TCERG1: variants seen among roughly 807,000 people sequenced by gnomAD.
TCERG1 encodes TATA box binding protein (TBP)-associated factor, RNA polymerase II, S, 150kD.
A neutral mutation model predicts 144.7 loss-of-function variants in TCERG1; 37 were observed. That is an observed-to-expected ratio of 0.26 (90% confidence interval 0.20 to 0.34). The LOEUF (loss-of-function observed/expected upper bound fraction) is 0.34, where lower values mean the gene tolerates loss of function less well. Among genes scored for constraint, TCERG1 ranks in the 10% least tolerant of loss-of-function variants. The pLI is 1.00. For missense variants in TCERG1, 1,027 were observed against 1,380.7 expected, an observed-to-expected ratio of 0.74 and a Z score of 4.06; for synonymous variants, 492 against 458.2, an observed-to-expected ratio of 1.07 and a Z score of -0.94.
intron 1 of TCERG1, among the ~76,000 whole-genome samples, chr5:146,448,026 C>G (rs555527151): frequency 2.0e-5 from 3 of 152,228 alleles, no homozygotes; most frequent in Non-Finnish European, 2.9e-5. Context: ...TAGGCACTTA[C>G]CGTGTGCCAG....
chr5:146,509,923 GT>G, intron 22 of TCERG1: 3 of 496,978 alleles, frequency 6.0e-6, no homozygotes, highest in Admixed American at 3.8e-5. Flanking sequence ...TAAAGGGTAT[GT>G]GCACGGGAGG....
Position 146,455,092 on chromosome 5 carries a change from G to T in TCERG1, c.96G>T (p.Pro32=), listed in dbSNP as rs373601191. Residue 32 remains proline (P), a synonymous_variant, in exon 2 of 23, where the codon CCG becomes CCT. Coordinates refer to ENST00000679501, the MANE Select transcript of TCERG1 (RefSeq NM_001382548.1). The part of the protein sequence containing the change: ...AQQQALRFRG[P]APPPNAVMRG... ...AGCAGGCCTTGAGGTTCCGAGGTCC[G>T]GCTCCCCCACCAAATGCAGTGATGC... 6.2e-7 allele frequency: 1 copy of T among 1,614,198 alleles called. No homozygotes were observed. The highest frequency in any genetic ancestry group is 1.1e-5 in the South Asian group (1 of 91,078).
At chr5:146,485,431 CT>C (rs1195111178) in intron 15 of TCERG1, among the ~76,000 whole-genome samples, 5 of 152,130 alleles carry the variant, frequency 3.3e-5, no homozygotes, top group Non-Finnish European at 7.3e-5. Context: ...TTTGTAGTGC[CT>C]GGAACATTGC....
In TCERG1 at chr5:146,511,923, T is replaced by A. The variant is rs1167737768; in HGVS notation, c.*1281T>A. On this transcript the variant is annotated 3_prime_UTR_variant, in exon 23 of 23. Coordinates refer to ENST00000679501, the MANE Select transcript of TCERG1 (RefSeq NM_001382548.1). Reference sequence around the variant, plus strand: ...TTTATTTTATGCCTTCATAGGTTGCTCGTTTCAGAGTGCCACATAAATAAA... The same window carrying A: ...TTTATTTTATGCCTTCATAGGTTGCACGTTTCAGAGTGCCACATAAATAAA... The A allele has an allele frequency of 6.6e-6, 1 of 152,240 alleles. No individual in the cohort carries two copies. The highest frequency in any genetic ancestry group is 2.4e-5 in the African/African-American group (1 of 41,474). 9.4% of individuals were successfully genotyped at this position (152,240 alleles called of 1,614,324 possible).
intron 5 of TCERG1, among the ~76,000 whole-genome samples, chr5:146,467,689 C>G (rs1763911089): frequency 6.6e-6 from 1 of 152,190 alleles, no homozygotes; most frequent in South Asian, 2.1e-4. Context: ...CCACAGTGTT[C>G]TAAGGCCATG....
chr5:146,477,797 A>G (rs1212799899), intron 9 of TCERG1, among the ~76,000 whole-genome samples: 1 of 147,662 alleles, frequency 6.8e-6, no homozygotes, highest in Non-Finnish European at 1.5e-5. Flanking sequence ...TCCCGGGCTC[A>G]GGTGATCCTC....
intron 15 of TCERG1, 22 bp from the exon 16 acceptor site, chr5:146,492,898 A>C: frequency 6.4e-7 from 1 of 1,560,766 alleles, no homozygotes. Context: ...TGACTTGTCA[A>C]ATTTGTTGAT....
In TCERG1 at chr5:146,479,875, C is replaced by T; in HGVS notation, c.1783C>T (p.Leu595=). The part of the protein sequence containing the change: ...KKLRHPTPTM[L]SIQKWQFSMS... ...GCCAGGGCACCCAACTCCGACAATG[C>T]TGTCGATCCAAAAGTGGCAATTCTC... Residue 595 remains leucine, a synonymous_variant, in exon 11 of 23, where the codon CTG becomes TTG. Coordinates refer to ENST00000679501, the MANE Select transcript of TCERG1 (RefSeq NM_001382548.1). 2 of 1,613,510 alleles carry T rather than the reference C, an allele frequency of 1.2e-6. No homozygotes were observed. Among genetic ancestry groups the T allele is most frequent in the Non-Finnish European group, 1.7e-6 (2 of 1,179,626 alleles).
chr5:146,479,724 T>C, intron 10 of TCERG1, 131 bp from the exon 11 acceptor site: 1 of 813,658 alleles, frequency 1.2e-6, no homozygotes, highest in African/African-American at 1.7e-5. Flanking sequence ...AGAATTATGC[T>C]TTGTTTAATG....
rs376826917 is a variant in TCERG1, at chr5:146,455,100, C to G, written c.104C>G (p.Pro35Arg). ...QALRFRGPAPPPNAVMRGPPP... is the reference protein window; with the variant it reads ...QALRFRGPAPRPNAVMRGPPP... ...TTGAGGTTCCGAGGTCCGGCTCCCC[C>G]ACCAAATGCAGTGATGCGAGGCCCA... Residue 35 changes from proline to arginine, a missense_variant, in exon 2 of 23, where the codon CCA (proline) becomes CGA (arginine). Pro to Arg is a moderately radical substitution (Grantham distance 103). This residue lies in a region of TCERG1 where 175 missense variants were observed against 197.0 expected (regional missense o/e 0.89). Coordinates refer to ENST00000679501, the MANE Select transcript of TCERG1 (RefSeq NM_001382548.1). 9 of 1,614,266 alleles carry G rather than the reference C, an allele frequency of 5.6e-6. No individual in the cohort carries two copies. The highest frequency in any genetic ancestry group is 6.8e-6 in the Non-Finnish European group (8 of 1,180,046).
intron 4 of TCERG1, among the ~76,000 whole-genome samples, chr5:146,460,243 A>C (rs1236012044): frequency 6.6e-6 from 1 of 152,158 alleles, no homozygotes. Context: ...AGCAGATTTC[A>C]GAGATTAAGA....
At chr5:146,502,435 T>TAAATTTTAA (rs1767572835) in intron 17 of TCERG1, among the ~76,000 whole-genome samples, 1 of 152,106 alleles carries the variant, frequency 6.6e-6, no homozygotes, top group African/African-American at 2.4e-5. Context: ...CAAAGTAGTA[T>TAAATTTTAA]ACATGGGATT....
intron 4 of TCERG1, among the ~76,000 whole-genome samples, chr5:146,461,624 T>G (rs2150300127): frequency 6.6e-6 from 1 of 152,304 alleles, no homozygotes; most frequent in East Asian, 1.9e-4. Flanking sequence ...TCATCTCCAT[T>G]GGTGTTCTTT....
At chr5:146,486,926 C>T (rs993723600) in intron 15 of TCERG1, among the ~76,000 whole-genome samples, 2 of 151,978 alleles carry the variant, frequency 1.3e-5, no homozygotes, top group Non-Finnish European at 2.9e-5. Context: ...AATATCTCTA[C>T]TAAAAATACA....
At chr5:146,460,472 A>T (rs2150286001) in intron 4 of TCERG1, among the ~76,000 whole-genome samples, 1 of 152,114 alleles carries the variant, frequency 6.6e-6, no homozygotes, top group East Asian at 1.9e-4. Context: ...CAAGATACAC[A>T]GCTGTCCCTA....
At chr5:146,471,726 A>G (rs1256800522) in intron 9 of TCERG1, 150 bp downstream of exon 9, 2 of 543,794 alleles carry the variant, frequency 3.7e-6, no homozygotes, top group Non-Finnish European at 6.5e-6. Context: ...AGCTTCCCGA[A>G]TAGCTGGGAC....
At chr5:146,464,499 TAAGAG>T (rs1448729443) in intron 5 of TCERG1, among the ~76,000 whole-genome samples, 7 of 152,248 alleles carry the variant, frequency 4.6e-5, no homozygotes, top group Non-Finnish European at 8.8e-5. Flanking sequence ...TATATTGTCT[TAAGAG>T]AAGTCATTAA....
intron 17 of TCERG1, among the ~76,000 whole-genome samples, chr5:146,502,368 C>G (rs1010941056): frequency 1.6e-4 from 24 of 152,168 alleles, no homozygotes; most frequent in African/African-American, 5.8e-4. Context: ...TTAATATGGT[C>G]AGAATCCTTT....
chr5:146,449,604 G>A (rs1762183801), intron 1 of TCERG1, among the ~76,000 whole-genome samples: 1 of 152,160 alleles, frequency 6.6e-6, no homozygotes, highest in Non-Finnish European at 1.5e-5. Flanking sequence ...TAGCATTGGG[G>A]AGATTGCATA....
Sources: allele counts gnomAD v4.1 joint callset (sites outside exome capture counted in the v4.1 genomes callset), GRCh38; gene constraint gnomAD v4.1.1; regional missense constraint gnomAD v4.1.1; transcripts MANE v1.5; gene names NCBI Gene and HGNC (gene_info 2026-07-23, HGNC 2026-07-21).